NCOA1: variants seen among roughly 807,000 people sequenced by gnomAD.
The protein encoded by NCOA1 is nuclear receptor coactivator 1.
In NCOA1, 35 loss-of-function variants were observed where a neutral mutation model predicts 150.9. The ratio of observed to expected loss-of-function variants is 0.23; its 90% confidence interval spans 0.18 to 0.31. The LOEUF is 0.31. Among genes scored for constraint, NCOA1 ranks in the 10% least tolerant of loss-of-function variants. The pLI, the probability that NCOA1 is intolerant of heterozygous loss-of-function variation, is 1.00. For synonymous variants in NCOA1, 590 were observed against 630.0 expected (o/e 0.94, Z 0.95); for missense variants, 1,491 against 1,749.3 (o/e 0.85, Z 2.63).
At chr2:24,720,695 A>G (rs1674318407) in intron 14 of NCOA1, among the ~76,000 whole-genome samples, 3 of 152,206 alleles carry the variant, frequency 2.0e-5, no homozygotes, top group Admixed American at 1.3e-4. Flanking sequence ...AAAAAGAATT[A>G]AGGATTGCAG....
At chr2:24,548,682 C>T (rs1042332242) in intron 1 of NCOA1, among the ~76,000 whole-genome samples, 2 of 152,118 alleles carry the variant, frequency 1.3e-5, no homozygotes, top group South Asian at 2.1e-4. Context: ...AGAAATTGGC[C>T]AAAACAAAGG....
chr2:24,556,866 C>G (rs1356001489), intron 1 of NCOA1, among the ~76,000 whole-genome samples: 2 of 151,956 alleles, frequency 1.3e-5, no homozygotes, highest in African/African-American at 4.8e-5. Context: ...TCTTTTCTTG[C>G]CTTGTATTGA....
chr2:24,734,478 T>C (rs1037322190), intron 17 of NCOA1, among the ~76,000 whole-genome samples: 6 of 152,138 alleles, frequency 3.9e-5, no homozygotes, highest in Non-Finnish European at 5.9e-5. Context: ...TCTACCGATA[T>C]CAAGATTTAA....
At chr2:24,716,308 A>T (rs966766539) in intron 14 of NCOA1, among the ~76,000 whole-genome samples, 1 of 152,000 alleles carries the variant, frequency 6.6e-6, no homozygotes. Context: ...TAATACTTCT[A>T]TAAAGCACCA....
chr2:24,730,246 C>T (rs1413997617), intron 17 of NCOA1, among the ~76,000 whole-genome samples: 3 of 152,206 alleles, frequency 2.0e-5, no homozygotes, highest in Non-Finnish European at 4.4e-5. Context: ...TCATGAAAGA[C>T]TTGAAGAGCC....
In NCOA1 at chr2:24,513,187, C is replaced by G. The variant is rs1373365860; in HGVS notation, c.-396+21585C>G. Among the ~76,000 whole-genome samples, 3 of 152,146 alleles carry G rather than the reference C, an allele frequency of 2.0e-5. No individual in the cohort carries two copies. In the East Asian group the frequency reaches 5.8e-4, roughly 29 times the overall value. On this transcript the variant is annotated intron_variant, in intron 1 of 22. Transcript: ENST00000348332. ...CGTGCACCTTCTGCCCAACTTAGAT[C>G]TTAACATTTTGCCTTATTTCAGATT...
intron 3 of NCOA1, among the ~76,000 whole-genome samples, chr2:24,587,820 G>A (rs1359311693): frequency 2.6e-5 from 4 of 152,072 alleles, no homozygotes; most frequent in East Asian, 3.8e-4. Flanking sequence ...ATTGCTTGGC[G>A]GCCCAGGTAA....
At chr2:24,743,919 C>G (rs1364697983) in intron 19 of NCOA1, among the ~76,000 whole-genome samples, 1 of 152,134 alleles carries the variant, frequency 6.6e-6, no homozygotes, top group Non-Finnish European at 1.5e-5. Flanking sequence ...AATAGTATTT[C>G]TGTCCATTTT....
intron 3 of NCOA1, among the ~76,000 whole-genome samples, chr2:24,637,947 C>T (rs145730638): frequency 7.1e-4 from 108 of 152,184 alleles, no homozygotes; most frequent in African/African-American, 2.3e-3. Flanking sequence ...CTGCCCACCT[C>T]GGCCTCCCAA....
intron 21 of NCOA1, among the ~76,000 whole-genome samples, chr2:24,761,927 T>A (rs954766611): frequency 6.6e-6 from 1 of 152,258 alleles, no homozygotes; most frequent in Non-Finnish European, 1.5e-5. Flanking sequence ...GTGGGGACTT[T>A]GGGAATTGTT....
chr2:24,556,375 A>C (rs908640909), intron 1 of NCOA1, among the ~76,000 whole-genome samples: 2 of 152,134 alleles, frequency 1.3e-5, no homozygotes, highest in Non-Finnish European at 2.9e-5. Flanking sequence ...TATGTACCAC[A>C]TTTTGTTTAG....
intron 1 of NCOA1, among the ~76,000 whole-genome samples, chr2:24,496,219 T>TA (rs773268704): frequency 1.3e-5 from 2 of 152,228 alleles, no homozygotes; most frequent in Non-Finnish European, 2.9e-5. Context: ...AATTCCCTTC[T>TA]AAAAAAATTT....
At chr2:24,569,096 A>ATTTTTTTTTTTTTTTTTTTTTTT in intron 2 of NCOA1, among the ~76,000 whole-genome samples, 3 of 150,600 alleles carry the variant, frequency 2.0e-5, no homozygotes, top group African/African-American at 7.5e-5. Flanking sequence ...CACTTTTTTC[A>ATTTTTTTTTTTTTTTTTTTTTTT]GAGAGGAGAA....
intron 14 of NCOA1, among the ~76,000 whole-genome samples, chr2:24,713,769 G>C (rs1381177178): frequency 6.6e-6 from 1 of 152,128 alleles, no homozygotes. Context: ...AGTACAGGTA[G>C]GAGGAACCCA....
intron 11 of NCOA1, among the ~76,000 whole-genome samples, chr2:24,700,334 T>TG (rs1181864234): frequency 2.6e-5 from 4 of 151,868 alleles, no homozygotes; most frequent in African/African-American, 9.7e-5. Context: ...GTGTAGAACT[T>TG]TACAGTGAAT....
At chr2:24,519,767 C>T (rs1664347581) in intron 1 of NCOA1, among the ~76,000 whole-genome samples, 1 of 151,796 alleles carries the variant, frequency 6.6e-6, no homozygotes, top group Admixed American at 6.6e-5. Context: ...TTGGAGGCTG[C>T]AGTGAGCTAT....
intron 13 of NCOA1, among the ~76,000 whole-genome samples, chr2:24,708,284 G>A (rs1327615114): frequency 6.6e-6 from 1 of 152,164 alleles, no homozygotes; most frequent in African/African-American, 2.4e-5. Flanking sequence ...AGAAATGTAA[G>A]GAGATGGACA....
At position 24,491,311 on chromosome 2, in the gene NCOA1, C is replaced by T. The variant is rs956357369; in HGVS notation, c.-687C>T. Among the ~76,000 whole-genome samples the T allele has an allele frequency of 7.5e-5, 11 of 147,304 alleles. No individual in the cohort carries two copies. Among genetic ancestry groups the T allele is most frequent in the African/African-American group, 2.2e-4 (9 of 40,836 alleles). ...CGGCCGCGGAGAGCGGCTGAAATGCCTGTTCTTCAGGCCGGGCGAGCGGGA... is the reference window on the plus strand; with the variant it reads ...CGGCCGCGGAGAGCGGCTGAAATGCTTGTTCTTCAGGCCGGGCGAGCGGGA... On this transcript the variant is annotated 5_prime_UTR_variant, in exon 1 of 23. Transcript: ENST00000348332.
At chr2:24,740,173 A>G (rs929314896) in intron 18 of NCOA1, among the ~76,000 whole-genome samples, 2 of 152,312 alleles carry the variant, frequency 1.3e-5, no homozygotes, top group African/African-American at 4.8e-5. Flanking sequence ...GATTTAAACA[A>G]TACTCTTTTC....
Sources: gnomAD v4.1 joint callset for allele counts (sites outside exome capture counted in the v4.1 genomes callset) on GRCh38, gnomAD v4.1.1 for gene constraint, MANE v1.5 for transcripts, NCBI Gene and HGNC (gene_info 2026-07-23, HGNC 2026-07-21) for gene names.